ZNF407: variants seen among roughly 807,000 people sequenced by gnomAD.
ZNF407 encodes zinc finger protein 407.
Under a neutral mutation model 131.2 loss-of-function variants are expected in ZNF407, and 17 were observed. The ratio of observed to expected loss-of-function variants is 0.13; its 90% CI spans 0.09 to 0.19. The LOEUF (loss-of-function observed/expected upper bound fraction) is 0.19, where lower values mean the gene tolerates loss of function less well. Ranked by LOEUF, ZNF407 falls within the 10% of genes least tolerant of loss-of-function variation. The pLI, the probability that ZNF407 is intolerant of heterozygous loss-of-function variation, is 1.00. For synonymous variants in ZNF407, 1,156 were observed against 1,062.0 expected (o/e 1.09, Z -1.72); for missense variants, 2,681 against 2,830.6 (o/e 0.95, Z 1.20).
intron 4 of ZNF407, among the ~76,000 whole-genome samples, chr18:74,819,173 G>GA (rs1214710209): frequency 2.6e-5 from 4 of 151,706 alleles, no homozygotes; most frequent in African/African-American, 4.8e-5. Flanking sequence ...GAAAAGGCCG[G>GA]AAAAAAAATA....
intron 3 of ZNF407, among the ~76,000 whole-genome samples, chr18:74,771,862 A>T (rs1368341816): frequency 2.0e-5 from 3 of 151,144 alleles, no homozygotes; most frequent in African/African-American, 4.8e-5. Context: ...AGCAAATCTT[A>T]AAAAAAAATC....
chr18:74,822,731 T>C (rs1454530595), intron 4 of ZNF407, among the ~76,000 whole-genome samples: 1 of 152,202 alleles, frequency 6.6e-6, no homozygotes, highest in East Asian at 1.9e-4. Flanking sequence ...TTGCTTAGGA[T>C]TGTCTTGGCT....
intron 8 of ZNF407, among the ~76,000 whole-genome samples, chr18:74,981,220 C>T (rs1475032722): frequency 1.3e-5 from 2 of 152,338 alleles, no homozygotes; most frequent in East Asian, 3.9e-4. Context: ...TGCAGAGGCA[C>T]CCCCGTCAGT....
chr18:74,710,460 T>C (rs759627958), intron 3 of ZNF407, among the ~76,000 whole-genome samples: 2 of 152,168 alleles, frequency 1.3e-5, no homozygotes, highest in Non-Finnish European at 2.9e-5. Context: ...ACGCGAGCAG[T>C]GTAGTTTGGG....
intron 4 of ZNF407, among the ~76,000 whole-genome samples, chr18:74,797,099 A>C (rs1240677479): frequency 6.6e-6 from 1 of 152,204 alleles, no homozygotes. Context: ...CAGTGCATGT[A>C]GTGTCAGGAG....
chr18:74,633,061 C>T lies in ZNF407; in HGVS notation c.2042C>T (p.Ala681Val). The change falls in exon 2 of 9, where the codon GCA becomes GTA. Residue 681 changes from alanine to valine, a missense_variant. Physicochemically the swap from Ala to Val is moderately conservative, Grantham distance 64. Around this residue, in one of 6 missense-constraint regions of ZNF407, gnomAD observed 1,789 missense variants for 1,748.7 expected, o/e 1.02. Transcript: ENST00000299687. ...AKESMDDSGK[A>V]SQEEPLKSRV... ...GAGTCTATGGATGACTCAGGAAAAG[C>T]ATCTCAGGAAGAACCTCTGAAGTCC... 6.2e-7 allele frequency: 1 copy of T among 1,613,912 alleles called. No homozygotes were observed. Among genetic ancestry groups the T allele is most frequent in the South Asian group, 1.1e-5 (1 of 91,082 alleles).
intron 8 of ZNF407, among the ~76,000 whole-genome samples, chr18:75,012,359 T>C (rs575712462): frequency 1.1e-4 from 11 of 96,890 alleles, no homozygotes; most frequent in African/African-American, 3.8e-4. Context: ...ACACATAGTG[T>C]ATGTACACAT....
At chr18:74,658,094 C>T (rs993488263) in intron 3 of ZNF407, among the ~76,000 whole-genome samples, 2 of 148,146 alleles carry the variant, frequency 1.4e-5, no homozygotes, top group Non-Finnish European at 3.0e-5. Flanking sequence ...ACAATAGAAG[C>T]AGCAGTTGTC....
At chr18:74,810,358 T>C (rs74684226) in intron 4 of ZNF407, among the ~76,000 whole-genome samples, 1 of 149,456 alleles carries the variant, frequency 6.7e-6, no homozygotes, top group Non-Finnish European at 1.5e-5. Context: ...ACCTTTGCTT[T>C]TTTTTTTTTT....
chr18:74,634,383 A>G lies in ZNF407; in HGVS notation c.3364A>G (p.Arg1122Gly). 1 of 1,613,784 alleles carries G rather than the reference A, an allele frequency of 6.2e-7. No homozygotes were observed. ...SGQPSDTLKS[R>G]NAADCSILNE... is the part of the protein sequence containing the mutation. ...TCAACCATCTGATACTCTTAAATCT[A>G]GAAATGCTGCAGATTGCTCTATTTT... Residue 1122 changes from arginine to glycine, a missense_variant, in exon 2 of 9, where the codon AGA becomes GGA. By Grantham distance (125) the Arg-to-Gly change is moderately radical (BLOSUM62 -2). This residue lies in a region of ZNF407 where 1,789 missense variants were observed against 1,748.7 expected (regional missense o/e 1.02). Transcript: ENST00000299687.
At chr18:74,871,412 G>A (rs1321449215) in intron 4 of ZNF407, among the ~76,000 whole-genome samples, 3 of 152,082 alleles carry the variant, frequency 2.0e-5, no homozygotes, top group East Asian at 1.9e-4. Context: ...TATAAACTTC[G>A]TTAGTACATT....
intron 3 of ZNF407, among the ~76,000 whole-genome samples, chr18:74,655,547 A>G (rs1161449884): frequency 6.6e-6 from 1 of 152,100 alleles, no homozygotes; most frequent in Non-Finnish European, 1.5e-5. Flanking sequence ...ATTCATAAAT[A>G]TAACTGTATG....
At chr18:74,971,005 A>G (rs1048743967) in intron 8 of ZNF407, among the ~76,000 whole-genome samples, 2 of 152,220 alleles carry the variant, frequency 1.3e-5, no homozygotes, top group South Asian at 4.1e-4. Context: ...CGCAGGCTCA[A>G]CACCACGTGG....
chr18:74,802,607 G>A (rs1405412980), intron 4 of ZNF407, among the ~76,000 whole-genome samples: 5 of 152,134 alleles, frequency 3.3e-5, no homozygotes, highest in South Asian at 2.1e-4. Context: ...AGGTCAGTTC[G>A]AAAATTTTTC....
intron 1 of ZNF407, among the ~76,000 whole-genome samples, chr18:74,614,100 T>C (rs1983180726): frequency 6.6e-6 from 1 of 152,208 alleles, no homozygotes; most frequent in Admixed American, 6.5e-5. Flanking sequence ...GAATAGCAGT[T>C]ACAGGAGTGC....
chr18:74,863,749 T>C (rs1970970685), intron 4 of ZNF407, among the ~76,000 whole-genome samples: 1 of 152,218 alleles, frequency 6.6e-6, no homozygotes, highest in African/African-American at 2.4e-5. Context: ...GATGAGACTT[T>C]TCAGTTTAAT....
intron 4 of ZNF407, among the ~76,000 whole-genome samples, chr18:74,873,377 G>A (rs1424203663): frequency 6.6e-6 from 1 of 152,128 alleles, no homozygotes; most frequent in Non-Finnish European, 1.5e-5. Flanking sequence ...ACCTTGGCAT[G>A]TGCTGAACAC....
chr18:74,834,676 A>G (rs913392583), intron 4 of ZNF407, among the ~76,000 whole-genome samples: 3 of 152,108 alleles, frequency 2.0e-5, no homozygotes, highest in African/African-American at 7.2e-5. Context: ...CACCCACCAG[A>G]AAGTGGCAAT....
chr18:74,632,183 A>G lies in ZNF407; in HGVS notation c.1164A>G (p.Ser388=), dbSNP rs763030385. The G allele has an allele frequency of 1.2e-6, 2 of 1,614,006 alleles. No individual in the cohort carries two copies. The highest frequency in any genetic ancestry group is 8.5e-7 in the Non-Finnish European group (1 of 1,179,892). The change falls in exon 2 of 9, where the codon TCA becomes TCG. Residue 388 remains serine (S), a synonymous_variant. Coordinates refer to ENST00000299687, the MANE Select transcript of ZNF407 (RefSeq NM_017757.3). ...QSRKLDTLVT[S]EGLLEKLEST... The stretch of plus-strand genomic sequence containing the variant: ...GAAAGCTAGACACCTTAGTAACCTC[A>G]GAGGGTCTCTTAGAGAAATTGGAAT...
Sources: gnomAD v4.1 joint callset for allele counts (sites outside exome capture counted in the v4.1 genomes callset) on GRCh38, gnomAD v4.1.1 for gene constraint, gnomAD v4.1.1 regional missense constraint, MANE v1.5 for transcripts, NCBI Gene and HGNC (gene_info 2026-07-23, HGNC 2026-07-21) for gene names.